PMM2: variants seen among roughly 807,000 people sequenced by gnomAD.
PMM2 encodes the protein mannose-6-phosphate isomerase.
PMM2 carries 35 observed loss-of-function variants against 33.2 expected under a neutral mutation model. The observed-to-expected ratio is 1.06, with a 90% confidence interval of 0.81 to 1.40. PMM2 has a LOEUF of 1.40. PMM2 is among the 40% of genes most tolerant of loss of function. The pLI, the probability that PMM2 is intolerant of heterozygous loss-of-function variation, is 0.00. For missense variants in PMM2, 386 were observed against 306.0 expected, an observed-to-expected ratio of 1.26 and a Z score of -1.95; for synonymous variants, 153 against 114.7, an observed-to-expected ratio of 1.33 and a Z score of -2.13.
chr16:8,808,716 G>A (rs1351436411), intron 4 of PMM2: 1 of 152,176 alleles, frequency 6.6e-6, no homozygotes, highest in Non-Finnish European at 1.5e-5. Context: ...TCCTTGAGTG[G>A]GGGGGCATTA....
rs558294236 is a variant in PMM2, at chr16:8,805,585, CA to C, written c.256-730del. Among the ~76,000 whole-genome samples, 1,360 of 149,318 alleles carry C rather than the reference CA, an allele frequency of 9.1e-3. 33 individuals are homozygous for C. Among genetic ancestry groups the C allele is most frequent in the African/African-American group, 0.033 (1,299 of 39,946 alleles). ...CTAGAGCAGACTGCTTCACTATAAG[CA>C]TTTTTTTTTTTCTTTTTTCTTTTTT... is the stretch of plus-strand genomic sequence containing the variant. On this transcript the variant is annotated intron_variant, in intron 3 of 7. Coordinates refer to ENST00000268261, the MANE Select transcript of PMM2 (RefSeq NM_000303.3).
At position 8,810,984 on chromosome 16, in the gene PMM2, C is replaced by G. The variant is rs1475375631; in HGVS notation, c.348-95C>G. On this transcript the variant is annotated intron_variant, in intron 4 of 7. Transcript: ENST00000268261. ...GAAACATTGACCACACTAGCCTCTGCTTTTTAGAATTTCCCAAGATTTTAG... is the reference window on the plus strand; with the variant it reads ...GAAACATTGACCACACTAGCCTCTGGTTTTTAGAATTTCCCAAGATTTTAG... 15 of 773,134 alleles carry G rather than the reference C, an allele frequency of 1.9e-5. 1 individual carries two copies. The Admixed American group carries it at 2.8e-4, about 14-fold the overall frequency. 47.9% of individuals were successfully genotyped at this position (773,134 alleles called of 1,614,324 possible). A position where few individuals can be genotyped will look rare whatever the true frequency, so the allele number is the denominator to read the frequency against.
chr16:8,842,051 A>G (rs1257267132), intron 7 of PMM2, among the ~76,000 whole-genome samples: 1 of 150,318 alleles, frequency 6.7e-6, no homozygotes, highest in East Asian at 2.0e-4. Flanking sequence ...AGTAAGGTCA[A>G]GTTGTTTGGA....
intron 7 of PMM2, among the ~76,000 whole-genome samples, chr16:8,840,765 A>C (rs1220615261): frequency 6.6e-6 from 1 of 151,984 alleles, no homozygotes; most frequent in Non-Finnish European, 1.5e-5. Flanking sequence ...CAGTCGGGGT[A>C]CTATAGATGA....
At chr16:8,834,616 G>T (rs1396673112) in intron 7 of PMM2, among the ~76,000 whole-genome samples, 24 of 152,250 alleles carry the variant, frequency 1.6e-4, no homozygotes, top group African/African-American at 5.5e-4. Context: ...AATCCCTGAG[G>T]AGTAGTAGAA....
At position 8,831,922 on chromosome 16, in the gene PMM2, C is replaced by A. The variant is rs75594386; in HGVS notation, c.640-15802C>A. Among the ~76,000 whole-genome samples the A allele has an allele frequency of 8.9e-3, 1,351 of 152,276 alleles. 34 individuals carry two copies. Among genetic ancestry groups the A allele is most frequent in the African/African-American group, 0.031 (1,281 of 41,540 alleles). ...TTGGATCGTTCATTCTTCCCTCCCC[C>A]CTTCCCTCCCTTCTCCAGGGAACAG... On this transcript the variant is annotated intron_variant, in intron 7 of 7. Transcript: ENST00000268261.
In PMM2 at chr16:8,813,082, T is replaced by C. The variant is rs2060686769; in HGVS notation, c.615T>C (p.Tyr205=). Residue 205 remains tyrosine (Y), a synonymous_variant, in exon 7 of 8, where the codon TAT becomes TAC. Coordinates refer to ENST00000268261, the MANE Select transcript of PMM2 (RefSeq NM_000303.3). ...HVENDGYKTI[Y]FFGDKTMPGG... ...AAAATGACGGTTATAAGACCATTTA[T>C]TTCTTTGGAGACAAAACTATGCCAG... 1 of 1,607,294 alleles carries C rather than the reference T, an allele frequency of 6.2e-7. No homozygotes were observed.
Position 8,836,128 on chromosome 16 carries a change from G to A in PMM2, c.640-11596G>A, listed in dbSNP as rs527427886. Among the ~76,000 whole-genome samples, 5 of 150,792 alleles carry A rather than the reference G, an allele frequency of 3.3e-5. 1 individual carries two copies. The South Asian group carries it at 1.1e-3, about 32-fold the overall frequency. ...ATACCCACAACAGTTACGGAGGCAA[G>A]GGAAACAGGCCCTTGAAAAGAAGGT... On this transcript the variant is annotated intron_variant, in intron 7 of 7. Coordinates refer to ENST00000268261, the MANE Select transcript of PMM2 (RefSeq NM_000303.3).
At chr16:8,803,638 A>G (rs2060628145) in intron 2 of PMM2, among the ~76,000 whole-genome samples, 1 of 152,250 alleles carries the variant, frequency 6.6e-6, no homozygotes, top group East Asian at 1.9e-4. Flanking sequence ...GATAGTTTCC[A>G]AACCAAACTG....
At chr16:8,809,906 G>A (rs75468672) in intron 4 of PMM2, 7,374 of 152,244 alleles carry the variant, frequency 0.048, 264 homozygotes, top group Middle Eastern at 0.14. Flanking sequence ...CACTGCCCGG[G>A]CCCAAGCAAT....
At chr16:8,803,760 T>A (rs145571257) in intron 2 of PMM2, among the ~76,000 whole-genome samples, 1 of 152,124 alleles carries the variant, frequency 6.6e-6, no homozygotes, top group Non-Finnish European at 1.5e-5. Context: ...CTTGGCTCAC[T>A]GTAACCTCTG....
rs2141014078 is a variant in PMM2, at chr16:8,797,886, G to A, written c.4G>A (p.Ala2Thr). The A allele has an allele frequency of 6.2e-7, 1 of 1,611,462 alleles. No homozygotes were observed. ...GGTGCGGCTAGAAACTGGGGACATG[G>A]CAGCGCCTGGCCCAGCGCTCTGCCT... M[A>T]APGPALCLFD... Residue 2 changes from alanine (A) to threonine (T), a missense_variant, in exon 1 of 8, where the codon GCA becomes ACA. Ala to Thr is a moderately conservative substitution (Grantham distance 58). Transcript: ENST00000268261.
intron 7 of PMM2, among the ~76,000 whole-genome samples, chr16:8,843,968 A>G (rs1240291861): frequency 6.6e-6 from 1 of 152,090 alleles, no homozygotes; most frequent in Non-Finnish European, 1.5e-5. Flanking sequence ...GAAAGAAGGA[A>G]GATTTGGGAC....
intron 1 of PMM2, among the ~76,000 whole-genome samples, chr16:8,800,848 T>C (rs2141016300): frequency 6.6e-6 from 1 of 152,264 alleles, no homozygotes; most frequent in African/African-American, 2.4e-5. Flanking sequence ...CGCGCCCGCC[T>C]AATTTTTGTA....
chr16:8,818,655 A>C (rs2060720879), intron 7 of PMM2, among the ~76,000 whole-genome samples: 1 of 152,238 alleles, frequency 6.6e-6, no homozygotes, highest in African/African-American at 2.4e-5. Context: ...TCCAGGAGGC[A>C]GAGTCTGGTG....
intron 4 of PMM2, chr16:8,810,695 A>C (rs571249236): frequency 4.9e-5 from 16 of 328,890 alleles, no homozygotes; most frequent in African/African-American, 6.6e-5. Flanking sequence ...TCCTGCCTCA[A>C]CCTCCTGAGT....
intron 4 of PMM2, 105 bp from the exon 5 acceptor site, chr16:8,810,974 C>G (rs1041856275): frequency 2.7e-6 from 2 of 735,562 alleles, no homozygotes; most frequent in African/African-American, 1.7e-5. Context: ...ATTGACCACA[C>G]TAGCCTCTGC....
At chr16:8,804,031 G>GTTTTTTTTTTTTTTTTTTTTTTTTTTTTT (rs752484926) in intron 2 of PMM2, among the ~76,000 whole-genome samples, 1 of 87,492 alleles carries the variant, frequency 1.1e-5, no homozygotes, top group African/African-American at 4.6e-5. Context: ...GGTTTTTTTT[G>GTTTTTTTTTTTTTTTTTTTTTTTTTTTTT]TTTTTTTTTT....
intron 2 of PMM2, among the ~76,000 whole-genome samples, chr16:8,802,947 C>T (rs1238609860): frequency 6.6e-6 from 1 of 152,138 alleles, no homozygotes; most frequent in African/African-American, 2.4e-5. Context: ...GATTTCTCAC[C>T]TTCGCACTAT....
Sources: allele counts gnomAD v4.1 joint callset (sites outside exome capture counted in the v4.1 genomes callset), GRCh38; gene constraint gnomAD v4.1.1; transcripts MANE v1.5; gene names NCBI Gene and HGNC (gene_info 2026-07-23, HGNC 2026-07-21).